LRMDA: variants seen among roughly 807,000 people sequenced by gnomAD.
LRMDA encodes leucine rich melanocyte differentiation associated.
In LRMDA, 18 loss-of-function variants were observed where a neutral mutation model predicts 29.8. The ratio of observed to expected loss-of-function variants is 0.60; its 90% CI spans 0.42 to 0.90. The LOEUF is 0.90. Among genes scored for constraint, LRMDA ranks in the 40% least tolerant of loss-of-function variants. The probability of loss-of-function intolerance (pLI) is 0.00; values close to 1 mark genes in which losing one functional copy is unlikely to be tolerated. For missense variants in LRMDA, 273 were observed against 273.9 expected, an observed-to-expected ratio of 1.00 and a Z score of 0.02; for synonymous variants, 125 against 109.4, an observed-to-expected ratio of 1.14 and a Z score of -0.89.
intron 5 of LRMDA, among the ~76,000 whole-genome samples, chr10:76,085,763 G>T (rs1037439316): frequency 1.3e-5 from 2 of 152,120 alleles, no homozygotes; most frequent in Non-Finnish European, 2.9e-5. Flanking sequence ...TTGGCCTCAG[G>T]TGTTTGTTTC....
At chr10:76,062,009 C>A in intron 5 of LRMDA, among the ~76,000 whole-genome samples, 1 of 152,142 alleles carries the variant, frequency 6.6e-6, no homozygotes, top group Non-Finnish European at 1.5e-5. Flanking sequence ...TGTTCCCATG[C>A]AGGTGTGTAT....
At chr10:75,991,683 G>A (rs578052299) in intron 2 of LRMDA, among the ~76,000 whole-genome samples, 18 of 152,346 alleles carry the variant, frequency 1.2e-4, no homozygotes, top group African/African-American at 4.3e-4. Flanking sequence ...GAGTTGATGA[G>A]TGGGAAGTAG....
At chr10:75,584,625 T>C (rs1430329) in intron 2 of LRMDA, among the ~76,000 whole-genome samples, 91,406 of 151,462 alleles carry the variant, frequency 0.6, 30,885 homozygotes, top group East Asian at 0.85. Context: ...TTGAAGAAGG[T>C]AGCATGTGGT....
chr10:75,680,413 A>G (rs1364905736), intron 2 of LRMDA, among the ~76,000 whole-genome samples: 2 of 152,154 alleles, frequency 1.3e-5, no homozygotes, highest in Non-Finnish European at 2.9e-5. Flanking sequence ...TCTGGTAAAT[A>G]TGATTTGTTT....
chr10:75,821,223 A>G (rs937738045), intron 2 of LRMDA, among the ~76,000 whole-genome samples: 4 of 152,308 alleles, frequency 2.6e-5, no homozygotes, highest in East Asian at 1.9e-4. Flanking sequence ...AGAGAAAACT[A>G]CAGATCAATA....
intron 6 of LRMDA, among the ~76,000 whole-genome samples, chr10:76,527,791 G>A (rs142256204): frequency 1.6e-3 from 248 of 152,184 alleles, no homozygotes; most frequent in African/African-American, 5.8e-3. Flanking sequence ...AATCTGTAAT[G>A]TATCCAAAAG....
intron 2 of LRMDA, among the ~76,000 whole-genome samples, chr10:75,693,592 G>A (rs557340954): frequency 7.2e-5 from 11 of 152,294 alleles, no homozygotes; most frequent in South Asian, 4.1e-4. Flanking sequence ...AGATTTGATC[G>A]ATGGAGTCGT....
intron 5 of LRMDA, among the ~76,000 whole-genome samples, chr10:76,144,041 A>G (rs79297945): frequency 0.14 from 21,042 of 152,074 alleles, 1,605 homozygotes; most frequent in East Asian, 0.24. Flanking sequence ...GTTCTGTTCT[A>G]TTGGTCTATA....
intron 2 of LRMDA, among the ~76,000 whole-genome samples, chr10:75,468,000 A>AC (rs1844676676): frequency 1.3e-5 from 2 of 150,744 alleles, no homozygotes; most frequent in South Asian, 2.1e-4. Flanking sequence ...ACACACACAC[A>AC]AAGTCGCAAA....
chr10:75,835,620 T>A (rs1404980859), intron 2 of LRMDA, among the ~76,000 whole-genome samples: 1 of 152,090 alleles, frequency 6.6e-6, no homozygotes, highest in Non-Finnish European at 1.5e-5. Context: ...AATCTGGGAG[T>A]CAGAAACCTA....
At chr10:76,383,618 G>A (rs1254697770) in intron 6 of LRMDA, among the ~76,000 whole-genome samples, 1 of 149,408 alleles carries the variant, frequency 6.7e-6, no homozygotes, top group Non-Finnish European at 1.5e-5. Flanking sequence ...TTTTAGTAGA[G>A]ACGGGGTTTC....
At chr10:75,676,801 C>T (rs1289031754) in intron 2 of LRMDA, among the ~76,000 whole-genome samples, 2 of 152,082 alleles carry the variant, frequency 1.3e-5, no homozygotes, top group Non-Finnish European at 2.9e-5. Context: ...TAAGCAGATA[C>T]CTGACCAATG....
intron 5 of LRMDA, among the ~76,000 whole-genome samples, chr10:76,137,168 C>T (rs1392101477): frequency 6.6e-6 from 1 of 152,212 alleles, no homozygotes; most frequent in Non-Finnish European, 1.5e-5. Context: ...TTCTGCCAAG[C>T]CTTCTTGGAC....
intron 2 of LRMDA, among the ~76,000 whole-genome samples, chr10:75,862,789 A>G (rs1343467925): frequency 6.6e-6 from 1 of 152,168 alleles, no homozygotes; most frequent in South Asian, 2.1e-4. Flanking sequence ...GATCCTTTCA[A>G]AGTACCCTCA....
chr10:76,167,514 G>A (rs925833634), intron 5 of LRMDA, among the ~76,000 whole-genome samples: 13 of 152,090 alleles, frequency 8.5e-5, no homozygotes, highest in Non-Finnish European at 1.2e-4. Context: ...ATAGAGAATC[G>A]TTTCCCCATT....
At chr10:76,052,634 G>T (rs1456917918) in intron 4 of LRMDA, among the ~76,000 whole-genome samples, 1 of 152,202 alleles carries the variant, frequency 6.6e-6, no homozygotes, top group Non-Finnish European at 1.5e-5. Context: ...CCTTAGAGGA[G>T]TCCTTTAAGC....
chr10:75,909,705 C>A (rs867360347), intron 2 of LRMDA, among the ~76,000 whole-genome samples: 2 of 151,880 alleles, frequency 1.3e-5, no homozygotes, highest in African/African-American at 4.8e-5. Context: ...TGTAAAACAG[C>A]GATAATAATA....
chr10:75,880,664 C>CA (rs1186116438), intron 2 of LRMDA, among the ~76,000 whole-genome samples: 1 of 152,158 alleles, frequency 6.6e-6, no homozygotes, highest in Non-Finnish European at 1.5e-5. Flanking sequence ...CACTTTGGGG[C>CA]AGGGCAACCC....
chr10:76,381,119 C>G (rs1255629096), intron 6 of LRMDA, among the ~76,000 whole-genome samples: 1 of 144,916 alleles, frequency 6.9e-6, no homozygotes, highest in African/African-American at 2.6e-5. Context: ...TTAAGACAAG[C>G]AAGCAAATCT....
Sources: gnomAD v4.1 joint callset for allele counts (sites outside exome capture counted in the v4.1 genomes callset) on GRCh38, gnomAD v4.1.1 for gene constraint, MANE v1.5 for transcripts, NCBI Gene and HGNC (gene_info 2026-07-23, HGNC 2026-07-21) for gene names.